PDE4B: variants seen among roughly 807,000 people sequenced by gnomAD.
PDE4B encodes the protein phosphodiesterase 4B, also known as 3',5'-cyclic-AMP phosphodiesterase 4B.
A neutral mutation model predicts 82.2 loss-of-function variants in PDE4B; 20 were observed. The observed-to-expected ratio is 0.24, with a 90% CI of 0.17 to 0.35. The LOEUF (loss-of-function observed/expected upper bound fraction) is 0.35. Ranked by LOEUF, PDE4B falls within the 10% of genes least tolerant of loss-of-function variation. The pLI is 1.00. For synonymous variants in PDE4B, 320 were observed against 318.9 expected, an observed-to-expected ratio of 1.00 and a Z score of -0.04; for missense variants, 655 against 907.2, an observed-to-expected ratio of 0.72 and a Z score of 3.57.
chr1:65,951,032 GC>G (rs1227148907), intron 3 of PDE4B, among the ~76,000 whole-genome samples: 1 of 151,992 alleles, frequency 6.6e-6, no homozygotes, highest in East Asian at 1.9e-4. Flanking sequence ...AATCCCAAAT[GC>G]CCATTCACTA....
intron 3 of PDE4B, among the ~76,000 whole-genome samples, chr1:66,044,986 C>G (rs1654608018): frequency 1.3e-5 from 2 of 151,596 alleles, no homozygotes; most frequent in Admixed American, 6.6e-5. Flanking sequence ...GTAATAATGA[C>G]ATATTTTTAA....
chr1:66,368,783 T>G lies in PDE4B; in HGVS notation c.1663-4T>G. On this transcript the variant is annotated splice_polypyrimidine_tract_variant and splice_region_variant and intron_variant, in intron 15 of 16. Transcript: ENST00000341517. Reference sequence around the variant, plus strand: ...ATGAGATTTCCAAAACTTGATGATTTCAGGTCCTTCGCAACATGGTACACT... The same window carrying G: ...ATGAGATTTCCAAAACTTGATGATTGCAGGTCCTTCGCAACATGGTACACT... 1 of 1,515,630 alleles carries G rather than the reference T, an allele frequency of 6.6e-7. No individual in the cohort carries two copies. Among genetic ancestry groups the G allele is most frequent in the Non-Finnish European group, 8.9e-7 (1 of 1,125,488 alleles). 93.9% of individuals were successfully genotyped at this position (1,515,630 alleles called of 1,614,324 possible).
chr1:66,128,845 A>G (rs1338563991), intron 3 of PDE4B, among the ~76,000 whole-genome samples: 2 of 152,204 alleles, frequency 1.3e-5, no homozygotes, highest in Non-Finnish European at 2.9e-5. Context: ...AACCCCTTAT[A>G]AAACCATCAA....
chr1:66,079,513 C>CTGTAATGCCA (rs1656615657), intron 3 of PDE4B, among the ~76,000 whole-genome samples: 1 of 152,066 alleles, frequency 6.6e-6, no homozygotes. Context: ...TGTAGTACAT[C>CTGTAATGCCA]TGTAATGCCA....
intron 3 of PDE4B, among the ~76,000 whole-genome samples, chr1:66,212,002 G>C (rs1162023102): frequency 1.3e-5 from 2 of 152,142 alleles, no homozygotes; most frequent in African/African-American, 2.4e-5. Context: ...GTATCCAAAA[G>C]TACTCCAGCA....
At chr1:66,249,160 T>C (rs966952138) in intron 4 of PDE4B, among the ~76,000 whole-genome samples, 7 of 152,232 alleles carry the variant, frequency 4.6e-5, no homozygotes, top group Non-Finnish European at 7.3e-5. Context: ...GTAGATCTTG[T>C]AGAACCCAAG....
At chr1:66,078,201 C>CTTT (rs1036654450) in intron 3 of PDE4B, among the ~76,000 whole-genome samples, 1 of 139,936 alleles carries the variant, frequency 7.1e-6, no homozygotes, top group Non-Finnish European at 1.6e-5. Context: ...TTCTTTCTTT[C>CTTT]TTTTTTTTTT....
chr1:66,154,885 G>A (rs1482291707), intron 3 of PDE4B, among the ~76,000 whole-genome samples: 1 of 152,152 alleles, frequency 6.6e-6, no homozygotes, highest in Non-Finnish European at 1.5e-5. Flanking sequence ...GTAATAGGAT[G>A]GGAACTATAA....
At chr1:66,010,592 A>G (rs1207525820) in intron 3 of PDE4B, among the ~76,000 whole-genome samples, 1 of 150,852 alleles carries the variant, frequency 6.6e-6, no homozygotes, top group Non-Finnish European at 1.5e-5. Context: ...TCCATATCTA[A>G]TACTATACTT....
At chr1:65,874,453 T>C (rs568651865) in intron 1 of PDE4B, among the ~76,000 whole-genome samples, 3 of 152,298 alleles carry the variant, frequency 2.0e-5, no homozygotes, top group South Asian at 2.1e-4. Context: ...TCCAACACTA[T>C]GTTGAATAGG....
chr1:66,112,473 A>G (rs1645509587), intron 3 of PDE4B, among the ~76,000 whole-genome samples: 1 of 152,210 alleles, frequency 6.6e-6, no homozygotes. Context: ...GCACAAATAT[A>G]AAATTTAAGT....
At chr1:66,242,697 A>T (rs1652980295) in intron 3 of PDE4B, among the ~76,000 whole-genome samples, 1 of 152,208 alleles carries the variant, frequency 6.6e-6, no homozygotes, top group Non-Finnish European at 1.5e-5. Context: ...TCTTAGGTTA[A>T]TCAAAGGTTT....
chr1:66,299,536 T>C (rs1657740697), intron 7 of PDE4B, among the ~76,000 whole-genome samples: 1 of 152,210 alleles, frequency 6.6e-6, no homozygotes, highest in Non-Finnish European at 1.5e-5. Flanking sequence ...GGGGTGCAGA[T>C]ATCTCTCCAA....
chr1:66,204,487 G>A (rs1570464511), intron 3 of PDE4B, among the ~76,000 whole-genome samples: 2 of 152,244 alleles, frequency 1.3e-5, no homozygotes, highest in South Asian at 4.1e-4. Flanking sequence ...GAGCTGTGGT[G>A]GGCTCCACCC....
chr1:66,120,438 A>G (rs528275892), intron 3 of PDE4B, among the ~76,000 whole-genome samples: 1 of 152,190 alleles, frequency 6.6e-6, no homozygotes, highest in Non-Finnish European at 1.5e-5. Flanking sequence ...TGTCTCATAC[A>G]TCATGGATCT....
chr1:66,231,032 TAAA>T (rs11285418), intron 3 of PDE4B, among the ~76,000 whole-genome samples: 6 of 106,906 alleles, frequency 5.6e-5, no homozygotes, highest in Admixed American at 2.0e-4. Context: ...AGAATCTGTC[TAAA>T]AAAAAAAAAA....
chr1:66,112,179 T>G (rs140706175), intron 3 of PDE4B, among the ~76,000 whole-genome samples: 9 of 152,278 alleles, frequency 5.9e-5, no homozygotes, highest in African/African-American at 1.9e-4. Context: ...CTTACATTAA[T>G]TTTTGGAGAA....
intron 3 of PDE4B, among the ~76,000 whole-genome samples, chr1:66,157,978 A>G (rs1646534212): frequency 6.6e-6 from 1 of 152,190 alleles, no homozygotes; most frequent in Admixed American, 6.5e-5. Flanking sequence ...ATGGAGATAC[A>G]TGATATTAGA....
intron 3 of PDE4B, among the ~76,000 whole-genome samples, chr1:66,185,991 C>T (rs537176534): frequency 1.3e-5 from 2 of 152,150 alleles, no homozygotes; most frequent in African/African-American, 4.8e-5. Context: ...AGTCTTTAAC[C>T]CATCTTGAAT....
Sources: allele counts gnomAD v4.1 joint callset (sites outside exome capture counted in the v4.1 genomes callset), GRCh38; gene constraint gnomAD v4.1.1; transcripts MANE v1.5; gene names NCBI Gene and HGNC (gene_info 2026-07-23, HGNC 2026-07-21).